Variants in NECTIN3 observed in about 807,000 individuals in gnomAD.
NECTIN3 encodes the protein nectin cell adhesion molecule 3, also known as nectin-3.
A neutral mutation model predicts 49.4 loss-of-function variants in NECTIN3; 8 were observed. The observed-to-expected ratio is 0.16, with a 90% confidence interval of 0.10 to 0.29. The LOEUF (loss-of-function observed/expected upper bound fraction) is 0.29. Among genes scored for constraint, NECTIN3 ranks in the 10% least tolerant of loss-of-function variants. NECTIN3 has a pLI of 1.00. For synonymous variants in NECTIN3, 277 were observed against 241.1 expected, an observed-to-expected ratio of 1.15 and a Z score of -1.38; for missense variants, 581 against 654.6, an observed-to-expected ratio of 0.89 and a Z score of 1.23.
chr3:111,083,848 G>A (rs1034504550), intron 1 of NECTIN3, among the ~76,000 whole-genome samples: 3 of 152,198 alleles, frequency 2.0e-5, no homozygotes, highest in East Asian at 1.9e-4. Context: ...TCTCCTGGAC[G>A]CTGGATGATA....
intron 7 of NECTIN3, among the ~76,000 whole-genome samples, chr3:111,164,073 T>C (rs544780837): frequency 3.9e-4 from 59 of 152,178 alleles, no homozygotes; most frequent in South Asian, 2.7e-3. Flanking sequence ...ATGTGCGAAG[T>C]ATTTGTATTT....
At chr3:111,176,509 A>G in intron 7 of NECTIN3, among the ~76,000 whole-genome samples, 1 of 152,168 alleles carries the variant, frequency 6.6e-6, no homozygotes, top group East Asian at 1.9e-4. Context: ...CTCAATTCAA[A>G]TAAAACTGCA....
At chr3:111,082,934 T>C (rs1168510900) in intron 1 of NECTIN3, among the ~76,000 whole-genome samples, 1 of 152,164 alleles carries the variant, frequency 6.6e-6, no homozygotes, top group Non-Finnish European at 1.5e-5. Flanking sequence ...ATCCCCCACA[T>C]GTGCAGTTCT....
intron 3 of NECTIN3, among the ~76,000 whole-genome samples, chr3:111,121,001 CTTT>C (rs397954033): frequency 7.7e-6 from 1 of 129,554 alleles, no homozygotes; most frequent in African/African-American, 2.8e-5. Flanking sequence ...TTATTTCTTT[CTTT>C]TTTTTTTTTT....
Position 111,118,505 on chromosome 3 carries a change from T to A in NECTIN3, c.503-151T>A, listed in dbSNP as rs1184909905. The stretch of plus-strand genomic sequence containing the variant: ...TTATGATCTTTTGTTTTTCCAAGAA[T>A]GTAATTGACGATGGCATTACCTAAA... On this transcript the variant is annotated intron_variant, in intron 2 of 5. Transcript: ENST00000485303. The A allele has an allele frequency of 7.6e-6, 5 of 660,284 alleles. No homozygotes were observed. The South Asian group carries it at 1.3e-4, about 17-fold the overall frequency. The allele number at this position is 660,284 out of a possible 1,614,324, so 40.9% of individuals were successfully genotyped here. A position where few individuals can be genotyped will look rare whatever the true frequency, so the allele number is the denominator to read the frequency against.
At chr3:111,178,349 A>G (rs2035568486) in intron 7 of NECTIN3, among the ~76,000 whole-genome samples, 1 of 152,198 alleles carries the variant, frequency 6.6e-6, no homozygotes, top group Admixed American at 6.5e-5. Flanking sequence ...ACAATCTATA[A>G]TATTACAAAT....
rs112553218 is a variant in NECTIN3, at chr3:111,115,554, A to G, written c.503-3102A>G. ...TTGAATGATAGTCTGCATTTTAGCA[A>G]GATTCCCAAGTGACTTATGTACACA... On this transcript the variant is annotated intron_variant, in intron 2 of 5. Transcript: ENST00000485303. 3.2e-3 allele frequency among the ~76,000 whole-genome samples: 486 copies of G among 152,328 alleles called. 4 individuals are homozygous for G. The highest frequency in any genetic ancestry group is 0.011 in the African/African-American group (458 of 41,572).
chr3:111,104,557 C>T (rs772375098), intron 1 of NECTIN3, among the ~76,000 whole-genome samples: 6 of 151,862 alleles, frequency 4.0e-5, no homozygotes, highest in Non-Finnish European at 7.4e-5. Context: ...TGAGCTCAAA[C>T]GGTCCTCCTG....
At chr3:111,163,763 A>G (rs1452323043) in intron 7 of NECTIN3, among the ~76,000 whole-genome samples, 1 of 152,194 alleles carries the variant, frequency 6.6e-6, no homozygotes, top group Non-Finnish European at 1.5e-5. Flanking sequence ...TGGTTAATAC[A>G]TTAATATTTT....
intron 7 of NECTIN3, among the ~76,000 whole-genome samples, chr3:111,160,279 C>T (rs1162860787): frequency 6.6e-6 from 1 of 152,202 alleles, no homozygotes; most frequent in African/African-American, 2.4e-5. Flanking sequence ...TCAATTCAGA[C>T]ATCTTCCATA....
At chr3:111,098,478 C>T (rs2032717879) in intron 1 of NECTIN3, among the ~76,000 whole-genome samples, 1 of 152,100 alleles carries the variant, frequency 6.6e-6, no homozygotes, top group Non-Finnish European at 1.5e-5. Flanking sequence ...CATTCCTTGT[C>T]TTGTGGCTGC....
At chr3:111,180,137 A>G (rs1223887774) in intron 7 of NECTIN3, among the ~76,000 whole-genome samples, 1 of 152,230 alleles carries the variant, frequency 6.6e-6, no homozygotes, top group African/African-American at 2.4e-5. Context: ...CCTATCTTTT[A>G]TAAAACTCAT....
intron 7 of NECTIN3, among the ~76,000 whole-genome samples, chr3:111,180,946 A>G (rs1576184180): frequency 6.6e-6 from 1 of 152,296 alleles, no homozygotes; most frequent in East Asian, 1.9e-4. Flanking sequence ...TTTTTTTTAA[A>G]AAAACTTTAT....
At chr3:111,106,337 C>A (rs543656868) in intron 1 of NECTIN3, among the ~76,000 whole-genome samples, 7 of 152,182 alleles carry the variant, frequency 4.6e-5, no homozygotes, top group African/African-American at 1.7e-4. Context: ...GGCATGTGAC[C>A]CAGGTTTCTC....
chr3:111,109,375 C>CT (rs2033358287), intron 1 of NECTIN3, among the ~76,000 whole-genome samples: 1 of 152,044 alleles, frequency 6.6e-6, no homozygotes, highest in African/African-American at 2.4e-5. Flanking sequence ...ACTAGAAATT[C>CT]TTTCTTTGGT....
upstream of NECTIN3, among the ~76,000 whole-genome samples, chr3:111,191,952 C>G (rs979396025): frequency 3.3e-5 from 5 of 152,188 alleles, no homozygotes; most frequent in African/African-American, 1.2e-4. Context: ...CTGTCTCAGC[C>G]TCCCAAATAG....
chr3:111,159,189 C>T (rs1015970909), intron 7 of NECTIN3, among the ~76,000 whole-genome samples: 1 of 151,928 alleles, frequency 6.6e-6, no homozygotes, highest in African/African-American at 2.4e-5. Flanking sequence ...TCTATTTTTG[C>T]TCTAGTAGAT....
At chr3:111,120,923 A>G (rs375972446) in intron 3 of NECTIN3, among the ~76,000 whole-genome samples, 1 of 151,254 alleles carries the variant, frequency 6.6e-6, no homozygotes, top group Non-Finnish European at 1.5e-5. Context: ...CATCTTCCCT[A>G]TTACTATTAG....
intron 1 of NECTIN3, chr3:111,072,908 G>A (rs1026470474): frequency 9.1e-5 from 19 of 208,248 alleles, no homozygotes; most frequent in Non-Finnish European, 1.7e-4. Flanking sequence ...TCACGCGCCT[G>A]TTTCCCATCT....
Sources: allele counts gnomAD v4.1 joint callset (sites outside exome capture counted in the v4.1 genomes callset), GRCh38; gene constraint gnomAD v4.1.1; transcripts MANE v1.5; gene names NCBI Gene and HGNC (gene_info 2026-07-23, HGNC 2026-07-21).